SLC67A1: variants seen among roughly 807,000 people sequenced by gnomAD.
The protein encoded by SLC67A1 is solute carrier family 67 member 1, also known as solute carrier family 67 member A1.
chr11:2,899,781 C>G, the SLC67A1 span: 1 of 1,383,708 alleles, frequency 7.2e-7, no homozygotes, highest in East Asian at 2.5e-5. Context: ...TACCTGAGGC[C>G]CTGCTTCACC....
the SLC67A1 span, chr11:2,902,974 T>A: frequency 4.1e-6 from 1 of 244,192 alleles, no homozygotes; most frequent in Non-Finnish European, 7.6e-6. Context: ...AGCCTCTGCC[T>A]CCCTCTAAAA....
chr11:2,910,762 T>C, the SLC67A1 span, among the ~76,000 whole-genome samples: 1 of 152,138 alleles, frequency 6.6e-6, no homozygotes, highest in African/African-American at 2.4e-5. Context: ...GAACTCAAGA[T>C]GGCAGTGCCA....
At chr11:2,915,323 C>T in the SLC67A1 span, 15 of 821,514 alleles carry the variant, frequency 1.8e-5, no homozygotes, top group East Asian at 1.2e-4. Context: ...TGAAGAGGGG[C>T]GAGGAAAGTC....
At chr11:2,923,862 C>T in the SLC67A1 span, among the ~76,000 whole-genome samples, 2,025 of 152,310 alleles carry the variant, frequency 0.013, 16 homozygotes, top group Middle Eastern at 0.027. The surrounding 1 kb of genome is among the most constrained non-coding windows in gnomAD (Gnocchi z 6.5). Flanking sequence ...GGAAACCCAG[C>T]GACAGAAGGG....
chr11:2,902,518 C>G, the SLC67A1 span: 1 of 934,936 alleles, frequency 1.1e-6, no homozygotes, highest in Non-Finnish European at 1.3e-6. Flanking sequence ...TGGGGGAGGG[C>G]GCCAGGCGCA....
At chr11:2,924,937 T>C in the SLC67A1 span, 7 of 1,407,416 alleles carry the variant, frequency 5.0e-6, no homozygotes, top group Non-Finnish European at 5.8e-6. This position sits in a 1 kb window ranked among gnomAD's most constrained non-coding sequence, Gnocchi z 8.6. Flanking sequence ...TGGGAGGCCA[T>C]GGCTGTGTTC....
chr11:2,920,710 G>A, the SLC67A1 span: 1 of 152,302 alleles, frequency 6.6e-6, no homozygotes, highest in African/African-American at 2.4e-5. Context: ...CAGACCCCAA[G>A]TCCGGTCAGG....
chr11:2,914,306 G>A, the SLC67A1 span, among the ~76,000 whole-genome samples: 1 of 152,206 alleles, frequency 6.6e-6, no homozygotes, highest in Non-Finnish European at 1.5e-5. Flanking sequence ...GCAGGTCGTG[G>A]TGAGGTTGAG....
the SLC67A1 span, among the ~76,000 whole-genome samples, chr11:2,905,344 G>C: frequency 6.6e-6 from 1 of 152,176 alleles, no homozygotes; most frequent in Non-Finnish European, 1.5e-5. Context: ...GAAGGCAACT[G>C]TCACTCCAGT....
At chr11:2,903,913 C>T in the SLC67A1 span, among the ~76,000 whole-genome samples, 4 of 152,232 alleles carry the variant, frequency 2.6e-5, no homozygotes, top group African/African-American at 9.6e-5. Flanking sequence ...CTATCTCTCC[C>T]CTCCATCTTC....
chr11:2,903,117 A>C, the SLC67A1 span: 47 of 1,026,128 alleles, frequency 4.6e-5, no homozygotes, highest in Non-Finnish European at 6.0e-5. Context: ...AGCTGTCAAA[A>C]GTGGAGGAGG....
At chr11:2,903,472 C>A in the SLC67A1 span, 1 of 1,613,306 alleles carries the variant, frequency 6.2e-7, no homozygotes, top group Non-Finnish European at 8.5e-7. Flanking sequence ...CCTCTTCATG[C>A]AGTTCTCCAT....
the SLC67A1 span, chr11:2,922,266 G>A: frequency 1.6e-3 from 2,407 of 1,536,230 alleles, 5 homozygotes; most frequent in African/African-American, 7.0e-3. Flanking sequence ...CCACCTGGGC[G>A]GTACCATCTG....
At chr11:2,918,621 C>T in the SLC67A1 span, among the ~76,000 whole-genome samples, 61 of 152,344 alleles carry the variant, frequency 4.0e-4, no homozygotes, top group South Asian at 6.2e-4. Context: ...CAACTGGCAC[C>T]GGCCCCTGTC....
chr11:2,925,110 C>T, the SLC67A1 span: 1,405 of 1,613,886 alleles, frequency 8.7e-4, 16 homozygotes, highest in African/African-American at 0.016. This position sits in a 1 kb window ranked among gnomAD's most constrained non-coding sequence, Gnocchi z 6.5. Context: ...TCCCCGTCTT[C>T]GGCCACGTGC....
At chr11:2,909,396 G>C in the SLC67A1 span, 2 of 1,495,244 alleles carry the variant, frequency 1.3e-6, no homozygotes, top group South Asian at 2.5e-5. Context: ...GGGCCGGGTC[G>C]GGGGCAGCCT....
the SLC67A1 span, among the ~76,000 whole-genome samples, chr11:2,901,870 C>T: frequency 6.6e-6 from 1 of 152,218 alleles, no homozygotes; most frequent in African/African-American, 2.4e-5. Context: ...CTTCCCCTAA[C>T]CCCTCACCAC....
the SLC67A1 span, among the ~76,000 whole-genome samples, chr11:2,907,568 A>G: frequency 6.6e-6 from 1 of 152,200 alleles, no homozygotes; most frequent in African/African-American, 2.4e-5. The surrounding 1 kb of genome is among the most constrained non-coding windows in gnomAD (Gnocchi z 6.7). Context: ...CCATTTCCTA[A>G]GAATGTCACA....
the SLC67A1 span, chr11:2,918,208 G>C: frequency 1.3e-6 from 1 of 749,876 alleles, no homozygotes; most frequent in Non-Finnish European, 2.2e-6. Flanking sequence ...AGATGTGGTA[G>C]AGCAGGCAGG....
Sources: allele counts gnomAD v4.1 joint callset (sites outside exome capture counted in the v4.1 genomes callset), GRCh38; gene constraint gnomAD v4.1.1; non-coding constraint Gnocchi (gnomAD v3.1); transcripts MANE v1.5; gene names NCBI Gene and HGNC (gene_info 2026-07-23, HGNC 2026-07-21).